Variants in PHLDB1 observed in about 807,000 individuals in gnomAD.
The protein encoded by PHLDB1 is pleckstrin homology-like domain family B member 1.
Under a neutral mutation model 139.3 loss-of-function variants are expected in PHLDB1, and 65 were observed. The observed-to-expected ratio is 0.47, with a 90% CI of 0.38 to 0.57. The LOEUF is 0.57. PHLDB1 is among the 20% of genes least tolerant of loss of function. The probability of loss-of-function intolerance (pLI) is 0.00; values close to 1 mark genes in which losing one functional copy is unlikely to be tolerated. For missense variants in PHLDB1, 1,624 were observed against 1,839.7 expected (o/e 0.88, Z 2.14); for synonymous variants, 679 against 734.5 (o/e 0.92, Z 1.22).
chr11:118,619,392 G>A (rs958052712), intron 4 of PHLDB1, among the ~76,000 whole-genome samples: 28 of 152,194 alleles, frequency 1.8e-4, no homozygotes, highest in Non-Finnish European at 5.9e-5. Context: ...GCCTCTCTCT[G>A]GGATCTAGGA....
intron 22 of PHLDB1, 142 bp downstream of exon 22, chr11:118,656,034 G>A: frequency 2.9e-6 from 2 of 683,814 alleles, no homozygotes; most frequent in Non-Finnish European, 5.3e-6. Flanking sequence ...AGAGCAAGAA[G>A]CTCCTGTGGG....
chr11:118,628,999 A>T (rs964094163), intron 6 of PHLDB1, among the ~76,000 whole-genome samples: 8 of 152,256 alleles, frequency 5.3e-5, no homozygotes, highest in Non-Finnish European at 1.2e-4. Flanking sequence ...TCCCAGTTTG[A>T]GAAGCAGTTG....
intron 9 of PHLDB1, chr11:118,635,049 A>T: frequency 2.0e-6 from 1 of 499,708 alleles, no homozygotes; most frequent in Non-Finnish European, 3.9e-6. Context: ...GCAGCTGAGA[A>T]GGGTCAGTTC....
At chr11:118,623,730 T>G (rs572407544) in intron 4 of PHLDB1, among the ~76,000 whole-genome samples, 1 of 152,156 alleles carries the variant, frequency 6.6e-6, no homozygotes, top group Non-Finnish European at 1.5e-5. Flanking sequence ...TTTCCCCTTG[T>G]TCCCTATCTC....
rs142810257 is a variant in PHLDB1 at position 118,627,806 on chromosome 11, G to C, written c.983G>C (p.Arg328Pro). 6.2e-7 allele frequency: 1 copy of C among 1,604,378 alleles called. No homozygotes were observed. Among genetic ancestry groups the C allele is most frequent in the South Asian group, 1.1e-5 (1 of 90,962 alleles). The change falls in exon 6 of 23, where the codon CGG becomes CCG. Residue 328 changes from arginine (R) to proline (P), a missense_variant. Coordinates refer to ENST00000600882, the MANE Select transcript of PHLDB1 (RefSeq NM_001144758.3). ...GHERPPSPGL[R>P]GLLTDSPAAT... ...GAGAGGCCTCCCAGCCCTGGCCTCC[G>C]GGGTCTGCTGACAGACAGCCCTGCA... is the stretch of plus-strand genomic sequence containing the variant.
chr11:118,644,456 C>T (rs1555124906), intron 15 of PHLDB1: 1 of 488,778 alleles, frequency 2.0e-6, no homozygotes, highest in South Asian at 2.1e-5. Flanking sequence ...TAGACATTGC[C>T]CTCTCTGGAG....
chr11:118,649,308 TC>T (rs1354416696), intron 18 of PHLDB1, among the ~76,000 whole-genome samples: 2 of 151,432 alleles, frequency 1.3e-5, no homozygotes, highest in East Asian at 3.9e-4. Context: ...AAAAAGAAGC[TC>T]TGTGAATTTT....
chr11:118,624,934 G>A lies in PHLDB1; in HGVS notation c.356G>A (p.Gly119Asp). The A allele has an allele frequency of 6.2e-7, 1 of 1,614,028 alleles. No individual in the cohort carries two copies. The highest frequency in any genetic ancestry group is 1.1e-5 in the South Asian group (1 of 91,076). The change falls in exon 5 of 23, where the codon GGC (glycine) becomes GAC (aspartate). Residue 119 changes from glycine (G) to aspartate (D), a missense_variant and splice_region_variant. Physicochemically the swap from Gly to Asp is moderately conservative, Grantham distance 94. Coordinates refer to ENST00000600882, the MANE Select transcript of PHLDB1 (RefSeq NM_001144758.3). ...CTTCAAGTGTTTGCTTTCTCTGCAGGCTGCATGTTGTGCCTGGGTCAGTCC... is the reference window on the plus strand; with the variant it reads ...CTTCAAGTGTTTGCTTTCTCTGCAGACTGCATGTTGTGCCTGGGTCAGTCC... ...PVRQPTRLTQ[G>D]CMLCLGQSTF...
Position 118,648,030 on chromosome 11 carries a change from A to G in PHLDB1, c.3608A>G (p.Gln1203Arg). ...RLQSESARRQ[Q>R]LVEKEVKMRE... ...CAGAGTGAGAGTGCCCGGAGGCAGC[A>G]GCTGGTCGAGAAGGAGGTCAAGATG... The change falls in exon 18 of 23, where the codon CAG (glutamine) becomes CGG (arginine). Residue 1203 changes from glutamine to arginine, a missense_variant. Physicochemically the swap from Gln to Arg is conservative, Grantham distance 43 (BLOSUM62 1). Coordinates refer to ENST00000600882, the MANE Select transcript of PHLDB1 (RefSeq NM_001144758.3). 6.2e-7 allele frequency: 1 copy of G among 1,613,372 alleles called. No individual in the cohort carries two copies.
chr11:118,648,126 T>C (rs1947810325), intron 18 of PHLDB1, 50 bp downstream of exon 18: 1 of 1,567,910 alleles, frequency 6.4e-7, no homozygotes, highest in Non-Finnish European at 8.7e-7. Flanking sequence ...GTGAGGGCTG[T>C]AGAGAAGTGG....
At chr11:118,638,774 A>T in intron 10 of PHLDB1, 117 bp from the exon 11 acceptor site, 1 of 732,042 alleles carries the variant, frequency 1.4e-6, no homozygotes. Flanking sequence ...CAAGCAGAAG[A>T]GCTGGTTGAT....
At chr11:118,622,179 A>G (rs1555095725) in intron 4 of PHLDB1, among the ~76,000 whole-genome samples, 2 of 151,966 alleles carry the variant, frequency 1.3e-5, no homozygotes, top group East Asian at 3.9e-4. Flanking sequence ...GGCATGGGGG[A>G]CACTGATCAT....
chr11:118,657,486 G>A lies in PHLDB1; in HGVS notation c.*663G>A, dbSNP rs1310794092. 6.5e-6 allele frequency: 1 copy of A among 152,842 alleles called. No homozygotes were observed. The highest frequency in any genetic ancestry group is 2.4e-5 in the African/African-American group (1 of 41,436). 9.5% of individuals were successfully genotyped at this position (152,842 alleles called of 1,614,324 possible). On this transcript the variant is annotated 3_prime_UTR_variant, in exon 23 of 23. Coordinates refer to ENST00000600882, the MANE Select transcript of PHLDB1 (RefSeq NM_001144758.3). Reference sequence around the variant, plus strand: ...ACGTGCCATCATCTCTCCAGCCCAGGCCCCTGGGCATCTCATGCTGGGGGG... The same window carrying A: ...ACGTGCCATCATCTCTCCAGCCCAGACCCCTGGGCATCTCATGCTGGGGGG...
At chr11:118,647,798 C>A in intron 17 of PHLDB1, 132 bp from the exon 18 acceptor site, 1 of 925,448 alleles carries the variant, frequency 1.1e-6, no homozygotes, top group Non-Finnish European at 1.6e-6. Flanking sequence ...AGAGGGTGGG[C>A]TTTGAAGATG....
chr11:118,615,959 T>A, intron 3 of PHLDB1, 82 bp from the exon 4 acceptor site: 1 of 1,152,370 alleles, frequency 8.7e-7, no homozygotes. Context: ...TGGAAATATG[T>A]TTCCACTGTG....
chr11:118,645,648 C>T lies in PHLDB1; in HGVS notation c.3414C>T (p.Ser1138=). 1 of 1,613,332 alleles carries T rather than the reference C, an allele frequency of 6.2e-7. No homozygotes were observed. The highest frequency in any genetic ancestry group is 8.5e-7 in the Non-Finnish European group (1 of 1,179,474). Residue 1138 remains serine, a splice_region_variant and synonymous_variant, in exon 16 of 23, where the codon TCC becomes TCT. Coordinates refer to ENST00000600882, the MANE Select transcript of PHLDB1 (RefSeq NM_001144758.3). This position sits in a 1 kb window ranked among gnomAD's most constrained non-coding sequence, Gnocchi z 5.1. The part of the protein sequence containing the change: ...GNSACSPDNM[S]SASGLDMGKI... Reference sequence around the variant, plus strand: ...CGGCCTGCTCCCCTGACAACATGTCCAGGTACACCCGACGCCTGGGCCCGC... The same window carrying T: ...CGGCCTGCTCCCCTGACAACATGTCTAGGTACACCCGACGCCTGGGCCCGC...
In PHLDB1 at chr11:118,624,812, A is replaced by G. The variant is rs573285812; in HGVS notation, c.356-122A>G. 143 of 938,446 alleles carry G rather than the reference A, an allele frequency of 1.5e-4. 4 individuals are homozygous for G. In the South Asian group the frequency reaches 2.0e-3, roughly 13 times the overall value. 58.1% of individuals were successfully genotyped at this position (938,446 alleles called of 1,614,324 possible). A position where few individuals can be genotyped will look rare whatever the true frequency, so the allele number is the denominator to read the frequency against. On this transcript the variant is annotated intron_variant, in intron 4 of 22. Coordinates refer to ENST00000600882, the MANE Select transcript of PHLDB1 (RefSeq NM_001144758.3). The stretch of plus-strand genomic sequence containing the variant: ...TTTAGTAGAGACGGGACTTCACCAC[A>G]TTGGCCAGGCTGGTCTCCAACTCCC...
chr11:118,632,438 G>GGAGGAGAAGTCACTCTGTCTC lies in PHLDB1; in HGVS notation c.2379+142_2379+143insGAGGAGAAGTCACTCTGTCTC. On this transcript the variant is annotated intron_variant, in intron 9 of 22. Coordinates refer to ENST00000600882, the MANE Select transcript of PHLDB1 (RefSeq NM_001144758.3). The surrounding 1 kb of genome is among the most constrained non-coding windows in gnomAD (Gnocchi z 5.9). ...GTCTCTGTGGCTTTCCAGAGACAGA[G>GGAGGAGAAGTCACTCTGTCTC]TGACTTCTCCTCCTCTGTGGAAGGA... 2 of 863,354 alleles carry GGAGGAGAAGTCACTCTGTCTC rather than the reference G, an allele frequency of 2.3e-6. No homozygotes were observed. Among genetic ancestry groups the GGAGGAGAAGTCACTCTGTCTC allele is most frequent in the Non-Finnish European group, 3.6e-6 (2 of 549,728 alleles). 53.5% of individuals were successfully genotyped at this position (863,354 alleles called of 1,614,324 possible).
In PHLDB1 at chr11:118,627,470, C is replaced by A; in HGVS notation, c.647C>A (p.Pro216His). ...LEEPGAAGKK[P>H]AATSPLSPMA... is the part of the protein sequence containing the mutation. ...GAGCCTGGAGCTGCTGGCAAGAAGC[C>A]TGCCGCAACCTCTCCACTGTCACCG... Residue 216 changes from proline (P) to histidine (H), a missense_variant, in exon 6 of 23, where the codon CCT becomes CAT. Physicochemically the swap from Pro to His is moderately conservative, Grantham distance 77. Transcript: ENST00000600882. 6.2e-7 allele frequency: 1 copy of A among 1,614,208 alleles called. No homozygotes were observed. Among genetic ancestry groups the A allele is most frequent in the Non-Finnish European group, 8.5e-7 (1 of 1,180,030 alleles).
Sources: allele counts gnomAD v4.1 joint callset (sites outside exome capture counted in the v4.1 genomes callset), GRCh38; gene constraint gnomAD v4.1.1; non-coding constraint Gnocchi (gnomAD v3.1); transcripts MANE v1.5; gene names NCBI Gene and HGNC (gene_info 2026-07-23, HGNC 2026-07-21).